Variants in CRADD observed in about 807,000 individuals in gnomAD.
The protein encoded by CRADD is CARD and death domain containing adaptor protein.
A neutral mutation model predicts 15.5 loss-of-function variants in CRADD; 9 were observed. The ratio of observed to expected loss-of-function variants is 0.58; its 90% confidence interval spans 0.35 to 1.01. The LOEUF (loss-of-function observed/expected upper bound fraction) is 1.01, where lower values mean the gene tolerates loss of function less well. Ranked by LOEUF, CRADD falls within the 50% of genes least tolerant of loss-of-function variation. CRADD has a pLI of 0.02. For synonymous variants in CRADD, 118 were observed against 107.6 expected (o/e 1.10, Z -0.60); for missense variants, 227 against 250.3 (o/e 0.91, Z 0.63).
chr12:93,768,114 G>T (rs1249589645), intron 2 of CRADD, among the ~76,000 whole-genome samples: 1 of 152,018 alleles, frequency 6.6e-6, no homozygotes, highest in Admixed American at 6.6e-5. Context: ...CTGTAATTCT[G>T]TAATCTAATT....
intron 2 of CRADD, among the ~76,000 whole-genome samples, chr12:93,751,469 A>G (rs781113555): frequency 6.6e-6 from 1 of 152,262 alleles, no homozygotes; most frequent in Non-Finnish European, 1.5e-5. Flanking sequence ...GACAAAAACT[A>G]AGGAAGCAAA....
At chr12:93,682,882 A>G (rs1955349372) in intron 2 of CRADD, among the ~76,000 whole-genome samples, 1 of 152,118 alleles carries the variant, frequency 6.6e-6, no homozygotes, top group African/African-American at 2.4e-5. Flanking sequence ...CTCACCCTGT[A>G]AGGACTCTTA....
rs560696996 is a variant in CRADD, at chr12:93,717,686, A to G, written c.298+38614A>G. The stretch of plus-strand genomic sequence containing the variant: ...CAGGCATGCACCACCACATCTGGGT[A>G]ATTTTTGTATTTTTAGTAGAGATGG... On this transcript the variant is annotated intron_variant, in intron 2 of 2. Coordinates refer to ENST00000332896, the MANE Select transcript of CRADD (RefSeq NM_003805.5). Among the ~76,000 whole-genome samples the G allele has an allele frequency of 5.3e-5, 8 of 152,186 alleles. No homozygotes were observed. In the South Asian group the frequency reaches 1.5e-3, roughly 28 times the overall value.
chr12:93,750,868 G>A (rs1446042587), intron 2 of CRADD, among the ~76,000 whole-genome samples: 2 of 152,170 alleles, frequency 1.3e-5, no homozygotes, highest in Non-Finnish European at 2.9e-5. Flanking sequence ...GGAAATTATA[G>A]TATGATAGAG....
At chr12:93,819,689 A>T (rs1957747377) in intron 2 of CRADD, among the ~76,000 whole-genome samples, 3 of 152,278 alleles carry the variant, frequency 2.0e-5, no homozygotes, top group Admixed American at 6.5e-5. Context: ...GTTAGGGCAA[A>T]CACTATAGAA....
chr12:93,815,356 A>G (rs888269079), intron 2 of CRADD: 4 of 152,118 alleles, frequency 2.6e-5, no homozygotes, highest in African/African-American at 9.7e-5. Flanking sequence ...TAAGCAACAC[A>G]CCTATATCTG....
intron 2 of CRADD, among the ~76,000 whole-genome samples, chr12:93,702,372 A>G (rs546827535): frequency 6.6e-6 from 1 of 151,948 alleles, no homozygotes; most frequent in African/African-American, 2.4e-5. Context: ...CCATCACTTC[A>G]ACTCCTGTCT....
chr12:93,830,420 T>C (rs1957880838), intron 2 of CRADD, among the ~76,000 whole-genome samples: 1 of 152,220 alleles, frequency 6.6e-6, no homozygotes, highest in African/African-American at 2.4e-5. Context: ...GTAAGTATTT[T>C]TTGTTTTGTT....
At chr12:93,694,839 C>G (rs1334276688) in intron 2 of CRADD, among the ~76,000 whole-genome samples, 1 of 152,172 alleles carries the variant, frequency 6.6e-6, no homozygotes, top group Non-Finnish European at 1.5e-5. Context: ...GAGGAAACCT[C>G]ATGTTCATGG....
intron 2 of CRADD, among the ~76,000 whole-genome samples, chr12:93,704,505 T>A (rs930568029): frequency 1.3e-5 from 2 of 152,198 alleles, no homozygotes; most frequent in African/African-American, 4.8e-5. Flanking sequence ...TATATTCCAT[T>A]AGCAAGTCTT....
chr12:93,681,060 T>C (rs368406122), intron 2 of CRADD, among the ~76,000 whole-genome samples: 13 of 152,092 alleles, frequency 8.5e-5, no homozygotes, highest in Non-Finnish European at 1.5e-4. Flanking sequence ...AATTTTGTAT[T>C]TTTAGTAGAG....
chr12:93,728,987 G>C (rs1452232465), intron 2 of CRADD, among the ~76,000 whole-genome samples: 1 of 152,134 alleles, frequency 6.6e-6, no homozygotes, highest in East Asian at 1.9e-4. Context: ...TGAAATGTTT[G>C]GGGCCAGTTA....
intron 2 of CRADD, among the ~76,000 whole-genome samples, chr12:93,826,501 CT>C (rs749243317): frequency 2.4e-4 from 37 of 152,306 alleles, no homozygotes; most frequent in Non-Finnish European, 4.6e-4. Context: ...ACGTTTAATA[CT>C]TTTTACATTT....
intron 2 of CRADD, among the ~76,000 whole-genome samples, chr12:93,734,828 C>T (rs936561501): frequency 2.6e-5 from 4 of 152,204 alleles, no homozygotes; most frequent in Admixed American, 1.3e-4. Context: ...CCTCCTTGTC[C>T]GTCTTCCCCC....
intron 2 of CRADD, among the ~76,000 whole-genome samples, chr12:93,748,687 G>A (rs1956795804): frequency 6.6e-6 from 1 of 152,252 alleles, no homozygotes; most frequent in African/African-American, 2.4e-5. Flanking sequence ...CCCAAAGTGT[G>A]GGTGTTTGTA....
At chr12:93,754,059 T>C (rs770811712) in intron 2 of CRADD, among the ~76,000 whole-genome samples, 1 of 152,254 alleles carries the variant, frequency 6.6e-6, no homozygotes, top group Non-Finnish European at 1.5e-5. Context: ...ATACATTCTC[T>C]GAAATCTAAG....
chr12:93,715,070 A>G (rs543993251), intron 2 of CRADD, among the ~76,000 whole-genome samples: 5,699 of 152,304 alleles, frequency 0.037, 167 homozygotes, highest in South Asian at 0.066. Context: ...TTTATTAAAA[A>G]AAAAATTCTT....
At chr12:93,762,115 T>C (rs192526536) in intron 2 of CRADD, among the ~76,000 whole-genome samples, 89 of 152,352 alleles carry the variant, frequency 5.8e-4, no homozygotes, top group Middle Eastern at 3.4e-3. Context: ...GGAAACCTTT[T>C]TTAAGCTAAA....
In CRADD at chr12:93,717,808, G is replaced by A. The variant is rs115894070; in HGVS notation, c.298+38736G>A. Among the ~76,000 whole-genome samples, 503 of 152,156 alleles carry A rather than the reference G, an allele frequency of 3.3e-3. 4 individuals are homozygous for A. The highest frequency in any genetic ancestry group is 0.012 in the South Asian group (58 of 4,826). ...AGTGTTAGGATTACAGGTATGAGCC[G>A]CCGCACCCTTCCTGTGATCTATTTT... On this transcript the variant is annotated intron_variant, in intron 2 of 2. Coordinates refer to ENST00000332896, the MANE Select transcript of CRADD (RefSeq NM_003805.5).
Sources: gnomAD v4.1 joint callset for allele counts (sites outside exome capture counted in the v4.1 genomes callset) on GRCh38, gnomAD v4.1.1 for gene constraint, MANE v1.5 for transcripts, NCBI Gene and HGNC (gene_info 2026-07-23, HGNC 2026-07-21) for gene names.